Variants in KDM6A observed in about 807,000 individuals in gnomAD.
KDM6A encodes the protein lysine demethylase 6A.
Under a neutral mutation model 117.6 loss-of-function variants are expected in KDM6A, and 11 were observed. The observed-to-expected ratio is 0.09, with a 90% CI of 0.06 to 0.15. The LOEUF is 0.15. Ranked by LOEUF, KDM6A falls within the 10% of genes least tolerant of loss-of-function variation. The pLI, the probability that KDM6A is intolerant of heterozygous loss-of-function variation, is 1.00. For missense variants in KDM6A, 799 were observed against 1,077.3 expected (o/e 0.74, Z 3.62); for synonymous variants, 384 against 396.1 (o/e 0.97, Z 0.36).
chrX:45,041,011 T>C (rs1345421727), intron 8 of KDM6A, among the ~76,000 whole-genome samples: 12 of 46,397 alleles, frequency 2.6e-4, no homozygotes, highest in Admixed American at 4.3e-4. Flanking sequence ...CCCCCCCACC[T>C]CCCTCCCGGA....
At chrX:44,958,136 G>C (rs905923586) in intron 2 of KDM6A, among the ~76,000 whole-genome samples, 10 of 110,201 alleles carry the variant, frequency 9.1e-5, no homozygotes, top group Non-Finnish European at 1.9e-4. Flanking sequence ...TACACTAAAG[G>C]TATAGGATGA....
chrX:44,921,857 G>A (rs902602017), intron 2 of KDM6A, among the ~76,000 whole-genome samples: 13 of 107,053 alleles, frequency 1.2e-4, no homozygotes, highest in Admixed American at 1.1e-3. Flanking sequence ...TGGTGAGTCC[G>A]TTTTCAGTTT....
At chrX:44,998,272 T>C (rs920001282) in intron 4 of KDM6A, among the ~76,000 whole-genome samples, 31 of 111,239 alleles carry the variant, frequency 2.8e-4, no homozygotes, top group African/African-American at 8.5e-4. Context: ...TTCAAAGGCT[T>C]TTAGATTGTA....
intron 2 of KDM6A, among the ~76,000 whole-genome samples, chrX:44,958,604 CTTTTTT>C (rs34006049): frequency 0.041 from 2,308 of 56,280 alleles, 29 homozygotes; most frequent in Middle Eastern, 0.07. Context: ...CTATATAGAC[CTTTTTT>C]TTTTTTTTTT....
intron 4 of KDM6A, among the ~76,000 whole-genome samples, chrX:44,977,159 G>A (rs1279654008): frequency 8.1e-5 from 9 of 111,658 alleles, no homozygotes; most frequent in African/African-American, 2.9e-4. Context: ...TCAAGGTCAT[G>A]AAGACTTACT....
chrX:44,922,379 T>C (rs959397868), intron 2 of KDM6A, among the ~76,000 whole-genome samples: 1 of 110,319 alleles, frequency 9.1e-6, no homozygotes, highest in Non-Finnish European at 1.9e-5. Flanking sequence ...TGGACACCTT[T>C]TCTTGTGCTT....
chrX:45,019,730 G>A (rs1017470645), intron 5 of KDM6A, among the ~76,000 whole-genome samples: 2 of 111,198 alleles, frequency 1.8e-5, no homozygotes, highest in East Asian at 5.6e-4. Flanking sequence ...TGAATATACT[G>A]TTATATCTGA....
At chrX:45,054,506 C>A (rs1443433749) in intron 10 of KDM6A, among the ~76,000 whole-genome samples, 1 of 111,715 alleles carries the variant, frequency 9.0e-6, no homozygotes, top group Admixed American at 9.5e-5. Context: ...TGTCATGTAA[C>A]AAAAATCATT....
At chrX:45,009,539 T>A (rs2041661634) in intron 4 of KDM6A, among the ~76,000 whole-genome samples, 1 of 111,475 alleles carries the variant, frequency 9.0e-6, no homozygotes, top group African/African-American at 3.3e-5. Context: ...ATGCCTAACC[T>A]CCTGGGAATG....
At chrX:44,979,140 G>C (rs1161510163) in intron 4 of KDM6A, among the ~76,000 whole-genome samples, 2 of 112,267 alleles carry the variant, frequency 1.8e-5, no homozygotes, top group Non-Finnish European at 3.8e-5. Flanking sequence ...TTAACCGTCA[G>C]ACTTTTTCAA....
chrX:45,101,825 G>A (rs1401089786), intron 27 of KDM6A, among the ~76,000 whole-genome samples: 1 of 111,632 alleles, frequency 9.0e-6, no homozygotes, highest in Non-Finnish European at 1.9e-5. Flanking sequence ...AATTTGACAT[G>A]TCAAGTTCAA....
chrX:44,929,978 G>A (rs1350538142), intron 2 of KDM6A, among the ~76,000 whole-genome samples: 2 of 110,688 alleles, frequency 1.8e-5, no homozygotes, highest in Non-Finnish European at 3.8e-5. Context: ...TTCTGCTTCC[G>A]TCCCTCCAAT....
Position 45,083,440 on chromosome X carries a change from GA to G in KDM6A, c.3441-19del. Reference sequence around the variant, plus strand: ...GTATTTGTAGCAGAGTTTCACTTTTGATGTGTTATTTTATTGCAGGTGGAAG... The same window carrying G: ...GTATTTGTAGCAGAGTTTCACTTTTGTGTGTTATTTTATTGCAGGTGGAAG... On this transcript the variant is annotated intron_variant, in intron 23 of 29. Coordinates refer to ENST00000611820, the MANE Select transcript of KDM6A (RefSeq NM_001291415.2). The G allele has an allele frequency of 8.3e-7, 1 of 1,202,873 alleles. No homozygotes were observed. Among genetic ancestry groups the G allele is most frequent in the Non-Finnish European group, 1.1e-6 (1 of 888,239 alleles).
intron 3 of KDM6A, among the ~76,000 whole-genome samples, chrX:44,963,501 C>CTGTT (rs1239301671): frequency 2.2e-5 from 2 of 92,485 alleles, no homozygotes; most frequent in Non-Finnish European, 4.3e-5. Context: ...CTGTCTGTCT[C>CTGTT]TGTCTGTCTG....
intron 2 of KDM6A, among the ~76,000 whole-genome samples, chrX:44,893,676 A>T (rs1009821672): frequency 9.2e-5 from 10 of 109,218 alleles, no homozygotes; most frequent in Non-Finnish European, 1.7e-4. Context: ...TGCCTGGCTA[A>T]TTTTTTGTAT....
At chrX:44,915,478 A>T (rs748060808) in intron 2 of KDM6A, among the ~76,000 whole-genome samples, 5 of 112,045 alleles carry the variant, frequency 4.5e-5, no homozygotes, top group Non-Finnish European at 7.5e-5. Context: ...AAAACCTTTT[A>T]TCGTAGAAGA....
intron 25 of KDM6A, among the ~76,000 whole-genome samples, chrX:45,089,324 C>T (rs1479411734): frequency 9.1e-6 from 1 of 110,473 alleles, no homozygotes; most frequent in Non-Finnish European, 1.9e-5. Context: ...GTCAGGAGTT[C>T]GAGACCAGCT....
intron 4 of KDM6A, among the ~76,000 whole-genome samples, chrX:44,987,107 C>A (rs2040272786): frequency 1.8e-5 from 2 of 111,569 alleles, no homozygotes; most frequent in Admixed American, 1.9e-4. Flanking sequence ...GTATTGGGTG[C>A]ATATATATTT....
chrX:44,957,725 G>T (rs2038419530), intron 2 of KDM6A, among the ~76,000 whole-genome samples: 1 of 111,650 alleles, frequency 9.0e-6, no homozygotes, highest in Non-Finnish European at 1.9e-5. Context: ...AACAATTAGA[G>T]GATGTAACAA....
Sources: allele counts gnomAD v4.1 joint callset (sites outside exome capture counted in the v4.1 genomes callset), GRCh38; gene constraint gnomAD v4.1.1; transcripts MANE v1.5; gene names NCBI Gene and HGNC (gene_info 2026-07-23, HGNC 2026-07-21).